Variants in CNTN4 observed in about 807,000 individuals in gnomAD.
CNTN4 encodes the protein contactin 4, also known as contactin-4.
In CNTN4, 77 loss-of-function variants were observed where a neutral mutation model predicts 122.5. The observed-to-expected ratio is 0.63, with a 90% confidence interval of 0.52 to 0.76. CNTN4 has a LOEUF of 0.76. CNTN4 is among the 30% of genes least tolerant of loss of function. CNTN4 has a pLI of 0.00. For synonymous variants in CNTN4, 512 were observed against 447.0 expected (o/e 1.15, Z -1.83); for missense variants, 1,256 against 1,259.1 (o/e 1.00, Z 0.04).
intron 2 of CNTN4, among the ~76,000 whole-genome samples, chr3:2,167,654 C>T (rs79675747): frequency 0.013 from 1,975 of 152,182 alleles, 22 homozygotes; most frequent in Middle Eastern, 0.051. Context: ...CTTTGATAAC[C>T]ATAAGCTTTT....
intron 7 of CNTN4, among the ~76,000 whole-genome samples, chr3:2,865,467 A>G (rs1252077471): frequency 1.3e-5 from 2 of 152,200 alleles, no homozygotes; most frequent in Admixed American, 6.5e-5. Flanking sequence ...GACACTTTAT[A>G]CATTTAGACT....
intron 4 of CNTN4, among the ~76,000 whole-genome samples, chr3:2,615,430 A>G (rs1444669835): frequency 1.3e-5 from 2 of 152,152 alleles, no homozygotes; most frequent in Non-Finnish European, 2.9e-5. Context: ...ACATCTGTAC[A>G]TGTTTAAAGC....
intron 3 of CNTN4, among the ~76,000 whole-genome samples, chr3:2,530,458 G>A (rs369349590): frequency 6.6e-5 from 10 of 151,766 alleles, no homozygotes; most frequent in African/African-American, 9.7e-5. Flanking sequence ...ACAGATGCGC[G>A]CCACCATGCC....
intron 3 of CNTN4, among the ~76,000 whole-genome samples, chr3:2,468,020 C>T (rs2075562394): frequency 6.6e-6 from 1 of 152,168 alleles, no homozygotes. Flanking sequence ...GACCCAGGCT[C>T]TCCTGATTCC....
intron 3 of CNTN4, among the ~76,000 whole-genome samples, chr3:2,407,695 T>C (rs1465452915): frequency 1.3e-5 from 2 of 152,190 alleles, no homozygotes; most frequent in South Asian, 2.1e-4. Context: ...TATGTTAAAA[T>C]TGATTCCCAA....
intron 4 of CNTN4, among the ~76,000 whole-genome samples, chr3:2,574,164 C>T (rs776063989): frequency 3.3e-5 from 5 of 152,242 alleles, no homozygotes; most frequent in Non-Finnish European, 2.9e-5. Context: ...TGCGGTGAGC[C>T]GAGATCACGC....
chr3:2,844,385 T>A (rs1329539779), intron 7 of CNTN4, among the ~76,000 whole-genome samples: 1 of 152,212 alleles, frequency 6.6e-6, no homozygotes, highest in African/African-American at 2.4e-5. Context: ...GCAGTAGAAC[T>A]CAGAAGTAGA....
At chr3:2,146,646 C>T (rs2035259101) in intron 2 of CNTN4, among the ~76,000 whole-genome samples, 1 of 152,050 alleles carries the variant, frequency 6.6e-6, no homozygotes. Flanking sequence ...TTGTAGCCTG[C>T]AGTTTATCAT....
rs574112349 is a variant in CNTN4, at chr3:3,027,607, G to A, written c.1662+1330G>A. 9.2e-5 allele frequency among the ~76,000 whole-genome samples: 14 copies of A among 152,290 alleles called. No individual in the cohort carries two copies. In the South Asian group the frequency reaches 2.5e-3, roughly 27 times the overall value. On this transcript the variant is annotated intron_variant, in intron 15 of 24. Coordinates refer to ENST00000418658, the MANE Select transcript of CNTN4 (RefSeq NM_175607.3). ...AATTGAAGGAAGGGTAACATTGATT[G>A]TAATAACAGGAAAGTGTAAATCGAG...
intron 2 of CNTN4, among the ~76,000 whole-genome samples, chr3:2,199,719 A>G (rs2038009358): frequency 6.6e-6 from 1 of 152,196 alleles, no homozygotes; most frequent in African/African-American, 2.4e-5. Context: ...CAGACAGTAA[A>G]TAACATAGCA....
At chr3:2,559,990 G>T (rs1366418962) in intron 3 of CNTN4, among the ~76,000 whole-genome samples, 1 of 152,102 alleles carries the variant, frequency 6.6e-6, no homozygotes, top group East Asian at 1.9e-4. Flanking sequence ...CTAATAGTTA[G>T]CTATAAATAC....
At position 2,348,421 on chromosome 3, in the gene CNTN4, T is replaced by A. The variant is rs190244986; in HGVS notation, c.-89+9188T>A. Among the ~76,000 whole-genome samples the A allele has an allele frequency of 2.9e-4, 44 of 152,300 alleles. No individual in the cohort carries two copies. The East Asian group carries it at 5.4e-3, about 19-fold the overall frequency. ...ATATCTCCCTGTGCTTGGAAGACTA[T>A]GTCTCCTGTCCCTCCTTAGACATCA... On this transcript the variant is annotated intron_variant, in intron 3 of 24. Coordinates refer to ENST00000418658, the MANE Select transcript of CNTN4 (RefSeq NM_175607.3).
intron 2 of CNTN4, among the ~76,000 whole-genome samples, chr3:2,103,099 G>A (rs889949658): frequency 4.6e-5 from 7 of 151,434 alleles, no homozygotes; most frequent in Non-Finnish European, 8.8e-5. Context: ...GAGAAATTAA[G>A]TTATTTGTTC....
At chr3:2,665,725 C>T (rs767279925) in intron 4 of CNTN4, among the ~76,000 whole-genome samples, 2 of 152,166 alleles carry the variant, frequency 1.3e-5, no homozygotes, top group African/African-American at 4.8e-5. Flanking sequence ...ACTTAGGTTA[C>T]CCTCTCAATC....
At chr3:2,815,635 G>A (rs550519513) in intron 6 of CNTN4, among the ~76,000 whole-genome samples, 1 of 152,040 alleles carries the variant, frequency 6.6e-6, no homozygotes, top group African/African-American at 2.4e-5. Flanking sequence ...ACCACTGGTG[G>A]GAATGCAAAC....
chr3:2,729,680 G>A (rs527902557), intron 4 of CNTN4, among the ~76,000 whole-genome samples: 10 of 151,620 alleles, frequency 6.6e-5, no homozygotes, highest in East Asian at 3.9e-4. Context: ...TTTGGGATGC[G>A]AAGGCAGGCG....
At chr3:3,042,807 C>A in intron 21 of CNTN4, 170 bp from the exon 22 acceptor site, 1 of 646,770 alleles carries the variant, frequency 1.5e-6, no homozygotes, top group Non-Finnish European at 2.7e-6. Flanking sequence ...ACCCTTCTTA[C>A]TTTGGATAAT....
At chr3:2,373,683 C>T (rs9879546) in intron 3 of CNTN4, among the ~76,000 whole-genome samples, 85,670 of 152,006 alleles carry the variant, frequency 0.56, 24,522 homozygotes, top group East Asian at 0.85. Context: ...GTATCAATAA[C>T]ATCGGCGCCT....
Position 2,719,059 on chromosome 3 carries a change from G to T in CNTN4, c.56-17156G>T, listed in dbSNP as rs549118509. ...TAAGTCTTAGATCTGTCCAGATTAG[G>T]TTATTTTTAAAAATTCAGTTACTAA... On this transcript the variant is annotated intron_variant, in intron 4 of 24. Transcript: ENST00000418658. Among the ~76,000 whole-genome samples the T allele has an allele frequency of 9.8e-4, 149 of 152,188 alleles. 1 individual carries two copies. The highest frequency in any genetic ancestry group is 3.5e-3 in the African/African-American group (144 of 41,522).
Sources: allele counts gnomAD v4.1 joint callset (sites outside exome capture counted in the v4.1 genomes callset), GRCh38; gene constraint gnomAD v4.1.1; transcripts MANE v1.5; gene names NCBI Gene and HGNC (gene_info 2026-07-23, HGNC 2026-07-21).